STPG2: variants seen among roughly 807,000 people sequenced by gnomAD.
STPG2 encodes sperm tail PG-rich repeat containing 2, also known as sperm-tail PG-rich repeat-containing protein 2.
In STPG2, 56 loss-of-function variants were observed where a neutral mutation model predicts 54.2. The ratio of observed to expected loss-of-function variants is 1.03; its 90% CI spans 0.83 to 1.29. STPG2 has a LOEUF of 1.29. Ranked by LOEUF, STPG2 falls within the 50% of genes most tolerant of loss-of-function variation. The pLI is 0.00. For missense variants in STPG2, 596 were observed against 544.9 expected, an observed-to-expected ratio of 1.09 and a Z score of -0.93; for synonymous variants, 200 against 181.8, an observed-to-expected ratio of 1.10 and a Z score of -0.81.
At chr4:97,779,734 C>CTT (rs1312719698) in intron 9 of STPG2, among the ~76,000 whole-genome samples, 3 of 152,172 alleles carry the variant, frequency 2.0e-5, no homozygotes, top group African/African-American at 7.2e-5. Context: ...GCGGATAACT[C>CTT]AGCAGAAACT....
chr4:98,103,989 T>C (rs1178382733), intron 5 of STPG2, among the ~76,000 whole-genome samples: 3 of 152,180 alleles, frequency 2.0e-5, no homozygotes, highest in Non-Finnish European at 2.9e-5. Context: ...CCAAATTCAA[T>C]TGTCTGAAGC....
intron 5 of STPG2, among the ~76,000 whole-genome samples, chr4:98,033,938 G>A (rs555744813): frequency 4.3e-4 from 65 of 152,166 alleles, no homozygotes; most frequent in Middle Eastern, 3.4e-3. Flanking sequence ...ACTAGGTATC[G>A]ATGGAACGCA....
At chr4:97,683,102 T>C (rs1322338942) in intron 10 of STPG2, among the ~76,000 whole-genome samples, 9 of 151,854 alleles carry the variant, frequency 5.9e-5, no homozygotes, top group Non-Finnish European at 1.2e-4. Context: ...CTGGGTCAGA[T>C]ACGAATTAAC....
At chr4:98,093,296 C>A (rs1738747000) in intron 5 of STPG2, among the ~76,000 whole-genome samples, 1 of 151,988 alleles carries the variant, frequency 6.6e-6, no homozygotes, top group South Asian at 2.1e-4. Context: ...AACAGGAATT[C>A]TCAGTAAATT....
At chr4:97,510,565 T>A (rs1361939505) in intron 4 of STPG2, among the ~76,000 whole-genome samples, 3 of 152,014 alleles carry the variant, frequency 2.0e-5, no homozygotes. Flanking sequence ...CCCCCTATCT[T>A]TTTGGCACCA....
intron 7 of STPG2, among the ~76,000 whole-genome samples, chr4:97,945,365 C>A (rs1733168623): frequency 6.6e-6 from 1 of 152,102 alleles, no homozygotes; most frequent in African/African-American, 2.4e-5. Context: ...CCAGCTCCAT[C>A]CAAGTTGCTG....
chr4:97,453,282 G>A (rs577317101), intron 4 of STPG2, among the ~76,000 whole-genome samples: 2 of 152,320 alleles, frequency 1.3e-5, no homozygotes, highest in South Asian at 2.1e-4. Context: ...TGTCGGCACT[G>A]GAGCTGCCCA....
intron 3 of STPG2, among the ~76,000 whole-genome samples, chr4:98,114,310 G>A (rs1375335779): frequency 6.6e-6 from 1 of 152,016 alleles, no homozygotes; most frequent in Non-Finnish European, 1.5e-5. Flanking sequence ...CATCATAATT[G>A]TGCATATTTT....
chr4:98,035,610 G>T (rs987667878), intron 5 of STPG2, among the ~76,000 whole-genome samples: 1 of 152,130 alleles, frequency 6.6e-6, no homozygotes, highest in East Asian at 1.9e-4. Flanking sequence ...ATACCCAAAG[G>T]ATTATAAATC....
chr4:97,825,466 G>C, intron 9 of STPG2, among the ~76,000 whole-genome samples: 2 of 152,220 alleles, frequency 1.3e-5, no homozygotes, highest in South Asian at 4.2e-4. Context: ...CCTACTGAGA[G>C]ATAAGACTCC....
chr4:97,742,888 CTGAGGG>C (rs1725308083), intron 9 of STPG2, among the ~76,000 whole-genome samples: 1 of 151,210 alleles, frequency 6.6e-6, no homozygotes, highest in African/African-American at 2.4e-5. Context: ...TAGAAATTTG[CTGAGGG>C]TAGATTTTAG....
At chr4:97,649,113 A>C (rs1490049563) in intron 10 of STPG2, among the ~76,000 whole-genome samples, 1 of 152,156 alleles carries the variant, frequency 6.6e-6, no homozygotes, top group East Asian at 1.9e-4. Context: ...AGCAGGAAAA[A>C]CATGCTTTCT....
At position 97,779,726 on chromosome 4, in the gene STPG2, G is replaced by A. The variant is rs976482766; in HGVS notation, c.1204+61047C>T. ...AATGGAAGTCCATCAGACTAACAGC[G>A]GATAACTCAGCAGAAACTCTACAAG... is the stretch of plus-strand genomic sequence containing the variant. On this transcript the variant is annotated intron_variant, in intron 9 of 10. Coordinates refer to ENST00000295268, the MANE Select transcript of STPG2 (RefSeq NM_174952.3). 5.3e-5 allele frequency among the ~76,000 whole-genome samples: 8 copies of A among 152,258 alleles called. 1 individual carries two copies. The highest frequency in any genetic ancestry group is 4.1e-4 in the South Asian group (2 of 4,824).
intron 9 of STPG2, among the ~76,000 whole-genome samples, chr4:97,823,533 T>C (rs945929644): frequency 6.6e-6 from 1 of 152,224 alleles, no homozygotes; most frequent in African/African-American, 2.4e-5. Flanking sequence ...GTTCTGCCTA[T>C]GGAGTAGCCA....
chr4:97,590,240 A>G (rs1033954809), intron 10 of STPG2, among the ~76,000 whole-genome samples: 8 of 152,126 alleles, frequency 5.3e-5, no homozygotes. Context: ...CCTACCCCCA[A>G]GAGTCCAAGG....
Position 98,102,859 on chromosome 4 carries a change from T to G in STPG2, c.612+3094A>C, listed in dbSNP as rs148630504. 2.2e-4 allele frequency among the ~76,000 whole-genome samples: 32 copies of G among 148,612 alleles called. No homozygotes were observed. In the East Asian group the frequency reaches 5.6e-3, roughly 26 times the overall value. On this transcript the variant is annotated intron_variant, in intron 5 of 10. Coordinates refer to ENST00000295268, the MANE Select transcript of STPG2 (RefSeq NM_174952.3). The stretch of plus-strand genomic sequence containing the variant: ...ATATAACAATACAACATAATGTATA[T>G]TAATATGGAATATATCATGTAATAT...
chr4:97,613,460 TGTCTA>T (rs1439615198), intron 10 of STPG2, among the ~76,000 whole-genome samples: 2 of 150,986 alleles, frequency 1.3e-5, no homozygotes, highest in Non-Finnish European at 3.0e-5. Flanking sequence ...AGTGAGCCAC[TGTCTA>T]GTCATCACCC....
chr4:97,747,372 C>T (rs1725450597), intron 9 of STPG2, among the ~76,000 whole-genome samples: 1 of 151,318 alleles, frequency 6.6e-6, no homozygotes, highest in Non-Finnish European at 1.5e-5. Context: ...GAGCTTAATC[C>T]ATGTTGTCAA....
At chr4:97,442,612 A>T (rs1012084661) in intron 4 of STPG2, among the ~76,000 whole-genome samples, 6 of 152,082 alleles carry the variant, frequency 3.9e-5, no homozygotes, top group African/African-American at 1.4e-4. Context: ...ATAAAGTTAG[A>T]CAGGGGGCTA....
Sources: gnomAD v4.1 joint callset for allele counts (sites outside exome capture counted in the v4.1 genomes callset) on GRCh38, gnomAD v4.1.1 for gene constraint, MANE v1.5 for transcripts, NCBI Gene and HGNC (gene_info 2026-07-23, HGNC 2026-07-21) for gene names.